ROR1: variants seen among roughly 807,000 people sequenced by gnomAD.
The protein encoded by ROR1 is ROR family WNT receptor 1.
Under a neutral mutation model 78.8 loss-of-function variants are expected in ROR1, and 19 were observed. The ratio of observed to expected loss-of-function variants is 0.24; its 90% CI spans 0.17 to 0.35. The LOEUF is 0.35. Ranked by LOEUF, ROR1 falls within the 10% of genes least tolerant of loss-of-function variation. The pLI is 1.00. For synonymous variants in ROR1, 386 were observed against 433.6 expected (o/e 0.89, Z 1.36); for missense variants, 917 against 1,177.8 (o/e 0.78, Z 3.24).
chr1:64,083,449 G>A (rs1647120541), intron 4 of ROR1, among the ~76,000 whole-genome samples: 1 of 151,534 alleles, frequency 6.6e-6, no homozygotes, highest in Admixed American at 6.6e-5. Flanking sequence ...AATGACAGTA[G>A]ACCTCACATT....
At chr1:64,136,183 G>A (rs954020377) in intron 4 of ROR1, among the ~76,000 whole-genome samples, 1 of 152,108 alleles carries the variant, frequency 6.6e-6, no homozygotes, top group African/African-American at 2.4e-5. Flanking sequence ...CCCATGTAGG[G>A]CAGAGAAGTC....
chr1:63,925,462 C>T (rs1014504934), intron 1 of ROR1, among the ~76,000 whole-genome samples: 228 of 152,068 alleles, frequency 1.5e-3, no homozygotes, highest in Non-Finnish European at 2.2e-3. Flanking sequence ...TGAATAATGC[C>T]GCAATAAACA....
At position 64,085,847 on chromosome 1, in the gene ROR1, G is replaced by T. The variant is rs146858905; in HGVS notation, c.482+35131G>T. ...GCAGCCTGCTTGGCCATATAAAACAGAAAGGCCTGTGACTTTAAGTGTTGT... is the reference window on the plus strand; with the variant it reads ...GCAGCCTGCTTGGCCATATAAAACATAAAGGCCTGTGACTTTAAGTGTTGT... On this transcript the variant is annotated intron_variant, in intron 4 of 8. Coordinates refer to ENST00000371079, the MANE Select transcript of ROR1 (RefSeq NM_005012.4). 2.0e-5 allele frequency among the ~76,000 whole-genome samples: 3 copies of T among 152,262 alleles called. No homozygotes were observed. In the East Asian group the frequency reaches 5.8e-4, roughly 29 times the overall value.
At chr1:63,814,694 C>T (rs749498452) in intron 1 of ROR1, among the ~76,000 whole-genome samples, 8 of 151,956 alleles carry the variant, frequency 5.3e-5, no homozygotes, top group African/African-American at 4.8e-5. Context: ...CAACAGGGTT[C>T]GCTCCTATGA....
intron 1 of ROR1, among the ~76,000 whole-genome samples, chr1:63,793,120 C>T (rs941651571): frequency 1.3e-5 from 2 of 152,160 alleles, no homozygotes; most frequent in African/African-American, 4.8e-5. Context: ...GTCCCAGAGT[C>T]TTGTGGGATG....
intron 1 of ROR1, among the ~76,000 whole-genome samples, chr1:63,931,064 T>C (rs1254481054): frequency 6.6e-6 from 1 of 152,116 alleles, no homozygotes; most frequent in East Asian, 1.9e-4. Flanking sequence ...GGCGGATCAG[T>C]TGAGGTCAGG....
At chr1:63,959,694 G>T (rs545876701) in intron 1 of ROR1, among the ~76,000 whole-genome samples, 16 of 152,262 alleles carry the variant, frequency 1.1e-4, no homozygotes, top group African/African-American at 3.9e-4. Context: ...TAGACAGCCG[G>T]CTTGCTACCC....
intron 1 of ROR1, among the ~76,000 whole-genome samples, chr1:64,008,734 A>G (rs1309616282): frequency 6.6e-6 from 1 of 152,110 alleles, no homozygotes; most frequent in Non-Finnish European, 1.5e-5. Flanking sequence ...TCCCAGGTTC[A>G]AGCGATTCTC....
intron 1 of ROR1, among the ~76,000 whole-genome samples, chr1:63,964,028 C>T (rs778821138): frequency 2.0e-5 from 3 of 152,216 alleles, no homozygotes; most frequent in Non-Finnish European, 4.4e-5. Flanking sequence ...ATACATGTAG[C>T]TGAGCCTAGT....
chr1:63,947,693 CAAG>C (rs1296231585), intron 1 of ROR1, among the ~76,000 whole-genome samples: 2 of 152,172 alleles, frequency 1.3e-5, no homozygotes, highest in South Asian at 2.1e-4. Flanking sequence ...GGGGCTAAAG[CAAG>C]AAGATTTATA....
chr1:63,809,593 A>C (rs1317929389), intron 1 of ROR1, among the ~76,000 whole-genome samples: 1 of 152,234 alleles, frequency 6.6e-6, no homozygotes, highest in African/African-American at 2.4e-5. Context: ...GGAGACGCTT[A>C]AGCAAACGTG....
intron 1 of ROR1, among the ~76,000 whole-genome samples, chr1:63,952,821 T>C (rs1282282400): frequency 6.6e-6 from 1 of 152,112 alleles, no homozygotes; most frequent in Non-Finnish European, 1.5e-5. Context: ...GGATCTGTCT[T>C]AGAGCTAGCA....
chr1:64,120,972 C>T (rs553644375), intron 4 of ROR1, among the ~76,000 whole-genome samples: 214 of 151,644 alleles, frequency 1.4e-3, no homozygotes, highest in African/African-American at 5.0e-3. Flanking sequence ...TATCCCTCTG[C>T]CAGCCTCAAC....
intron 1 of ROR1, among the ~76,000 whole-genome samples, chr1:63,830,874 A>G (rs887292533): frequency 3.3e-5 from 5 of 152,208 alleles, no homozygotes; most frequent in African/African-American, 9.6e-5. Flanking sequence ...CCAAGATACA[A>G]TGGGGATACA....
At chr1:63,787,378 G>A (rs903616392) in intron 1 of ROR1, among the ~76,000 whole-genome samples, 1 of 152,080 alleles carries the variant, frequency 6.6e-6, no homozygotes, top group Admixed American at 6.5e-5. Context: ...CACCTGGCAA[G>A]GCATTTTGTA....
rs181666168 is a variant in ROR1 at position 63,898,787 on chromosome 1, T to A, written c.92-110518T>A. On this transcript the variant is annotated intron_variant, in intron 1 of 8. Transcript: ENST00000371079. Reference sequence around the variant, plus strand: ...GGCGCCGTACTCACTGCAGAGGGAGTTTTTCCCCCTGCCTAGGAGGTCAGG... The same window carrying A: ...GGCGCCGTACTCACTGCAGAGGGAGATTTTCCCCCTGCCTAGGAGGTCAGG... Among the ~76,000 whole-genome samples the A allele has an allele frequency of 2.4e-3, 350 of 148,636 alleles. 2 individuals are homozygous for A. The highest frequency in any genetic ancestry group is 3.9e-3 in the Admixed American group (59 of 14,944).
Position 63,910,092 on chromosome 1 carries a change from G to A in ROR1, c.92-99213G>A, listed in dbSNP as rs573734052. 3.3e-5 allele frequency among the ~76,000 whole-genome samples: 5 copies of A among 152,178 alleles called. No homozygotes were observed. In the East Asian group the frequency reaches 7.8e-4, roughly 24 times the overall value. On this transcript the variant is annotated intron_variant, in intron 1 of 8. Coordinates refer to ENST00000371079, the MANE Select transcript of ROR1 (RefSeq NM_005012.4). ...ACTTAATCTATGAAGCAGTATTCAC[G>A]GGGCTTTCTTTTGTTTCTCAAGGCC...
intron 1 of ROR1, among the ~76,000 whole-genome samples, chr1:63,828,028 T>A (rs867022552): frequency 2.0e-5 from 3 of 152,216 alleles, no homozygotes; most frequent in African/African-American, 7.2e-5. Flanking sequence ...AGGATTTTCT[T>A]AAAATGTTAC....
intron 4 of ROR1, among the ~76,000 whole-genome samples, chr1:64,102,607 T>C (rs1213255876): frequency 2.6e-5 from 4 of 152,188 alleles, no homozygotes; most frequent in Non-Finnish European, 2.9e-5. Flanking sequence ...AGTGCTGTGA[T>C]GGGAATATGC....
Sources: gnomAD v4.1 joint callset for allele counts (sites outside exome capture counted in the v4.1 genomes callset) on GRCh38, gnomAD v4.1.1 for gene constraint, MANE v1.5 for transcripts, NCBI Gene and HGNC (gene_info 2026-07-23, HGNC 2026-07-21) for gene names.